Variants in SYT1 observed in about 807,000 individuals in gnomAD.
SYT1 encodes synaptotagmin-1.
In SYT1, 8 loss-of-function variants were observed where a neutral mutation model predicts 44.8. The ratio of observed to expected loss-of-function variants is 0.18; its 90% confidence interval spans 0.10 to 0.32. The LOEUF is 0.32. SYT1 is among the 10% of genes least tolerant of loss of function. The pLI is 1.00. For synonymous variants in SYT1, 154 were observed against 188.8 expected (o/e 0.82, Z 1.51); for missense variants, 286 against 509.3 (o/e 0.56, Z 4.22).
chr12:79,311,662 T>A (rs1163225014), intron 8 of SYT1, among the ~76,000 whole-genome samples: 2 of 135,194 alleles, frequency 1.5e-5, no homozygotes, highest in Non-Finnish European at 3.2e-5. Context: ...ATGTGGCACA[T>A]ATACACCATG....
intron 1 of SYT1, among the ~76,000 whole-genome samples, chr12:78,907,539 G>A (rs368128592): frequency 2.0e-5 from 3 of 151,854 alleles, no homozygotes; most frequent in South Asian, 2.1e-4. Flanking sequence ...ATTACGTTTC[G>A]GTAATGATTC....
intron 4 of SYT1, 30 bp downstream of exon 4, chr12:79,217,715 A>C: frequency 6.4e-7 from 1 of 1,563,288 alleles, no homozygotes; most frequent in South Asian, 1.2e-5. Flanking sequence ...ACTTGAGTAA[A>C]AATAAGTGGT....
At chr12:79,360,261 TAAG>T (rs779087835) in intron 9 of SYT1, among the ~76,000 whole-genome samples, 2 of 152,122 alleles carry the variant, frequency 1.3e-5, no homozygotes, top group Non-Finnish European at 2.9e-5. Context: ...TTTCCTCAAA[TAAG>T]AAGTTCTATT....
intron 9 of SYT1, among the ~76,000 whole-genome samples, chr12:79,425,246 G>C (rs1869381638): frequency 1.3e-5 from 2 of 151,930 alleles, no homozygotes; most frequent in Admixed American, 6.6e-5. Context: ...ATTTTCTGCT[G>C]TTATTTCATA....
At chr12:78,939,764 A>G (rs1878251505) in intron 1 of SYT1, among the ~76,000 whole-genome samples, 2 of 152,224 alleles carry the variant, frequency 1.3e-5, no homozygotes, top group East Asian at 1.9e-4. Context: ...TGACATTGGC[A>G]TCATGAAACT....
intron 1 of SYT1, among the ~76,000 whole-genome samples, chr12:78,957,241 G>A (rs1879260336): frequency 6.6e-6 from 1 of 152,170 alleles, no homozygotes; most frequent in Non-Finnish European, 1.5e-5. Context: ...GGCCCAGGCA[G>A]GAGGACAGCT....
intron 4 of SYT1, among the ~76,000 whole-genome samples, chr12:79,251,099 T>TAGTCTC (rs1409260984): frequency 6.6e-6 from 1 of 152,202 alleles, no homozygotes; most frequent in Non-Finnish European, 1.5e-5. Flanking sequence ...TTTGTCACAA[T>TAGTCTC]AGTCTCAAGT....
chr12:79,412,009 T>C (rs1868462457), intron 9 of SYT1, among the ~76,000 whole-genome samples: 1 of 152,192 alleles, frequency 6.6e-6, no homozygotes, highest in East Asian at 1.9e-4. Flanking sequence ...TTACAGTAGA[T>C]AGCTAGTCAG....
At chr12:78,898,989 C>T (rs1220883694) in intron 1 of SYT1, among the ~76,000 whole-genome samples, 1 of 152,006 alleles carries the variant, frequency 6.6e-6, no homozygotes, top group Non-Finnish European at 1.5e-5. Context: ...ATTCATTCAT[C>T]TCTTCAATAC....
intron 3 of SYT1, among the ~76,000 whole-genome samples, chr12:79,106,091 A>C (rs188429913): frequency 2.3e-4 from 35 of 152,284 alleles, no homozygotes; most frequent in African/African-American, 7.9e-4. Flanking sequence ...AGTGAACTGT[A>C]GACCTGCTGC....
intron 5 of SYT1, 34 bp downstream of exon 5, chr12:79,286,005 G>T (rs771937384): frequency 1.3e-6 from 2 of 1,561,448 alleles, no homozygotes; most frequent in East Asian, 2.3e-5. Flanking sequence ...TTCTTATTTT[G>T]TTTAAAAAAG....
At chr12:79,262,981 C>A (rs1204869318) in intron 4 of SYT1, among the ~76,000 whole-genome samples, 3 of 152,188 alleles carry the variant, frequency 2.0e-5, no homozygotes, top group Non-Finnish European at 4.4e-5. Context: ...TGGAGCAAAG[C>A]TTGGAGCACA....
intron 9 of SYT1, among the ~76,000 whole-genome samples, chr12:79,427,805 C>T (rs865864783): frequency 3.9e-5 from 6 of 152,080 alleles, no homozygotes; most frequent in Admixed American, 3.3e-4. Flanking sequence ...CAAGTGGGAG[C>T]GTCCTGAGAG....
intron 4 of SYT1, among the ~76,000 whole-genome samples, chr12:79,222,362 C>CTATT (rs59013211): frequency 1 from 149,346 of 149,502 alleles, 74,598 homozygotes; most frequent in Non-Finnish European, 1. Context: ...TTTTCTGCTA[C>CTATT]TATTTATTTA....
intron 3 of SYT1, among the ~76,000 whole-genome samples, chr12:79,127,399 G>C (rs12312411): frequency 6.6e-6 from 1 of 152,196 alleles, no homozygotes; most frequent in Non-Finnish European, 1.5e-5. Context: ...CAGTTCTTAC[G>C]AAACAGATTG....
chr12:79,204,959 C>CT (rs35259216), intron 3 of SYT1, among the ~76,000 whole-genome samples: 1,592 of 2,222 alleles, frequency 0.72, 775 homozygotes, highest in Non-Finnish European at 0.78. Flanking sequence ...CCTGTTGTAA[C>CT]TTTTTTTTTT....
intron 3 of SYT1, among the ~76,000 whole-genome samples, chr12:79,061,596 G>A (rs967096386): frequency 6.6e-6 from 1 of 152,058 alleles, no homozygotes; most frequent in Non-Finnish European, 1.5e-5. Flanking sequence ...ATATTATACT[G>A]GAATGGATGG....
intron 3 of SYT1, among the ~76,000 whole-genome samples, chr12:79,216,406 G>A (rs1874808830): frequency 1.3e-5 from 2 of 152,160 alleles, no homozygotes; most frequent in African/African-American, 4.8e-5. Flanking sequence ...CAGAAAGCCT[G>A]AAATCTTAAG....
intron 3 of SYT1, among the ~76,000 whole-genome samples, chr12:79,163,783 T>G (rs1334147868): frequency 3.9e-5 from 6 of 152,136 alleles, no homozygotes; most frequent in African/African-American, 1.4e-4. Context: ...TTGGCAGGCA[T>G]GTATCAAACC....
Sources: gnomAD v4.1 joint callset for allele counts (sites outside exome capture counted in the v4.1 genomes callset) on GRCh38, gnomAD v4.1.1 for gene constraint, MANE v1.5 for transcripts, NCBI Gene and HGNC (gene_info 2026-07-23, HGNC 2026-07-21) for gene names.